The following NAALADL2 variants were observed in gnomAD, a reference collection of about 807,000 sequenced individuals.
NAALADL2 encodes N-acetylated alpha-linked acidic dipeptidase like 2, also known as inactive N-acetylated-alpha-linked acidic dipeptidase-like protein 2.
NAALADL2 carries 76 observed loss-of-function variants against 87.2 expected under a neutral mutation model. The observed-to-expected ratio is 0.87, with a 90% CI of 0.72 to 1.05. The LOEUF is 1.05. Ranked by LOEUF, NAALADL2 falls within the 50% of genes least tolerant of loss-of-function variation. The pLI, the probability that NAALADL2 is intolerant of heterozygous loss-of-function variation, is 0.00. For synonymous variants in NAALADL2, 354 were observed against 331.0 expected, an observed-to-expected ratio of 1.07 and a Z score of -0.75; for missense variants, 1,089 against 945.8, an observed-to-expected ratio of 1.15 and a Z score of -1.99.
chr3:174,558,588 T>C (rs1345317434), intron 2 of NAALADL2, among the ~76,000 whole-genome samples: 1 of 151,974 alleles, frequency 6.6e-6, no homozygotes, highest in East Asian at 2.0e-4. Flanking sequence ...ACAATAGGGT[T>C]CGTGCTCCCC....
intron 2 of NAALADL2, among the ~76,000 whole-genome samples, chr3:174,599,171 A>G (rs1475304638): frequency 6.6e-6 from 1 of 152,202 alleles, no homozygotes; most frequent in African/African-American, 2.4e-5. Context: ...TAGTGGCAGC[A>G]GTTGTAAGCT....
chr3:175,558,602 T>C (rs1485475752), intron 9 of NAALADL2, among the ~76,000 whole-genome samples: 1 of 152,182 alleles, frequency 6.6e-6, no homozygotes, highest in East Asian at 1.9e-4. Flanking sequence ...TTTTTGTATA[T>C]GGTGAGAGAA....
chr3:175,222,529 T>C (rs1200709623), intron 2 of NAALADL2, among the ~76,000 whole-genome samples: 4 of 152,188 alleles, frequency 2.6e-5, no homozygotes, highest in Non-Finnish European at 5.9e-5. Flanking sequence ...CCTTCATTAA[T>C]TGGCATGTCC....
intron 3 of NAALADL2, among the ~76,000 whole-genome samples, chr3:174,813,846 TAAATAAG>T (rs1336918371): frequency 1.3e-5 from 2 of 152,076 alleles, no homozygotes; most frequent in Non-Finnish European, 2.9e-5. Flanking sequence ...AATGTAAACT[TAAATAAG>T]AAATAATAAA....
At chr3:175,512,327 T>C (rs960961312) in intron 9 of NAALADL2, among the ~76,000 whole-genome samples, 1 of 152,202 alleles carries the variant, frequency 6.6e-6, no homozygotes, top group Non-Finnish European at 1.5e-5. Flanking sequence ...TAAATGTGAA[T>C]GATCCTGGAT....
At chr3:175,775,290 G>T (rs2150192457) in intron 13 of NAALADL2, 1 of 152,066 alleles carries the variant, frequency 6.6e-6, no homozygotes, top group Non-Finnish European at 1.5e-5. Flanking sequence ...TAAAATATTT[G>T]TTGAATGTAA....
At chr3:175,489,917 C>T (rs73045051) in intron 9 of NAALADL2, among the ~76,000 whole-genome samples, 10,676 of 152,228 alleles carry the variant, frequency 0.07, 445 homozygotes, top group South Asian at 0.15. Flanking sequence ...TTTTAATCTA[C>T]TCCCTTTCTT....
chr3:175,802,691 C>G lies in NAALADL2; in HGVS notation c.2190-314C>G, dbSNP rs1205864331. On this transcript the variant is annotated intron_variant, in intron 13 of 13. Coordinates refer to ENST00000454872, the MANE Select transcript of NAALADL2 (RefSeq NM_207015.3). The stretch of plus-strand genomic sequence containing the variant: ...TTCTTGTATTTATAAGCAATTAAAT[C>G]TAGAAACATCAGATTCAGATACAAT... Among the ~76,000 whole-genome samples, 6 of 147,244 alleles carry G rather than the reference C, an allele frequency of 4.1e-5. No homozygotes were observed. In the East Asian group the frequency reaches 9.6e-4, roughly 24 times the overall value.
At chr3:174,730,806 GT>G (rs902202403) in intron 2 of NAALADL2, among the ~76,000 whole-genome samples, 1 of 151,908 alleles carries the variant, frequency 6.6e-6, no homozygotes, top group Admixed American at 6.6e-5. Flanking sequence ...TTAAGAAGTA[GT>G]TTTTTTAATG....
intron 1 of NAALADL2, among the ~76,000 whole-genome samples, chr3:174,481,251 T>C (rs764629905): frequency 3.3e-5 from 5 of 151,908 alleles, no homozygotes; most frequent in Non-Finnish European, 7.4e-5. Context: ...CTAGAGATAA[T>C]TGGATGTTAA....
At chr3:175,533,651 C>A (rs1401991200) in intron 9 of NAALADL2, among the ~76,000 whole-genome samples, 3 of 152,214 alleles carry the variant, frequency 2.0e-5, no homozygotes, top group South Asian at 2.1e-4. Flanking sequence ...AGGTCCCATT[C>A]TTTCCCAATC....
intron 9 of NAALADL2, among the ~76,000 whole-genome samples, chr3:175,518,447 G>A (rs944848337): frequency 1.3e-5 from 2 of 152,188 alleles, no homozygotes; most frequent in African/African-American, 2.4e-5. Context: ...ACACAAATAT[G>A]TATACATACT....
chr3:175,032,492 A>G (rs976521263), intron 1 of NAALADL2, among the ~76,000 whole-genome samples: 10 of 152,076 alleles, frequency 6.6e-5, no homozygotes, highest in Admixed American at 2.6e-4. Context: ...TTTCCACATT[A>G]AAGTGTCAAT....
At chr3:175,029,436 A>G (rs1279379533) in intron 1 of NAALADL2, among the ~76,000 whole-genome samples, 4 of 152,180 alleles carry the variant, frequency 2.6e-5, no homozygotes, top group Admixed American at 1.3e-4. Flanking sequence ...AAAAACACAC[A>G]TTGATATCTG....
intron 5 of NAALADL2, among the ~76,000 whole-genome samples, chr3:175,438,029 C>T (rs1043249262): frequency 2.0e-4 from 30 of 151,896 alleles, no homozygotes; most frequent in Non-Finnish European, 2.1e-4. Context: ...TTTACAATTT[C>T]GTGGTTTCAA....
chr3:175,733,330 G>T (rs146100755), intron 11 of NAALADL2, among the ~76,000 whole-genome samples: 4 of 152,178 alleles, frequency 2.6e-5, no homozygotes, highest in Non-Finnish European at 5.9e-5. Context: ...GGAAGGCAAG[G>T]TGGAGCAAGT....
At chr3:174,749,105 TCCCCTGTTCTACC>T (rs542017505) in intron 3 of NAALADL2, among the ~76,000 whole-genome samples, 2,194 of 152,272 alleles carry the variant, frequency 0.014, 17 homozygotes, top group Middle Eastern at 0.02. Context: ...TGCTTTCACA[TCCCCTGTTCTACC>T]ATGCCTAATC....
At chr3:174,747,621 CAAAAAAAAAAAAAAA>C (rs150843588) in intron 3 of NAALADL2, among the ~76,000 whole-genome samples, 1 of 38,660 alleles carries the variant, frequency 2.6e-5, no homozygotes. Flanking sequence ...GACCCCATCT[CAAAAAAAAAAAAAAA>C]AAAAAAAAAA....
intron 12 of NAALADL2, among the ~76,000 whole-genome samples, chr3:175,743,091 C>G (rs563869092): frequency 2.6e-5 from 4 of 152,138 alleles, no homozygotes; most frequent in East Asian, 3.9e-4. Flanking sequence ...ACCTCCTCCT[C>G]CCGGGTTCAA....
Sources: gnomAD v4.1 joint callset for allele counts (sites outside exome capture counted in the v4.1 genomes callset) on GRCh38, gnomAD v4.1.1 for gene constraint, MANE v1.5 for transcripts, NCBI Gene and HGNC (gene_info 2026-07-23, HGNC 2026-07-21) for gene names.